The following PCDH15 variants were observed in gnomAD, a reference collection of about 807,000 sequenced individuals.
The protein encoded by PCDH15 is protocadherin-15.
PCDH15 carries 129 observed loss-of-function variants against 178.5 expected under a neutral mutation model. The ratio of observed to expected loss-of-function variants is 0.72; its 90% confidence interval spans 0.63 to 0.84. The LOEUF (loss-of-function observed/expected upper bound fraction) is 0.84. PCDH15 is among the 40% of genes least tolerant of loss of function. PCDH15 has a pLI of 0.00. For missense variants in PCDH15, 2,230 were observed against 2,099.9 expected (o/e 1.06, Z -1.21); for synonymous variants, 800 against 732.0 (o/e 1.09, Z -1.50).
At chr10:55,154,778 A>G (rs976346791) in intron 2 of PCDH15, among the ~76,000 whole-genome samples, 7 of 152,152 alleles carry the variant, frequency 4.6e-5, no homozygotes, top group Non-Finnish European at 1.0e-4. Flanking sequence ...AACTGCTAGG[A>G]TATCACTACT....
rs756826648 is a variant in PCDH15, at chr10:54,153,157, C to G, written c.1727G>C (p.Gly576Ala). Reference sequence around the variant, plus strand: ...TTGGACCGTGAGTGCGTAAGTCCGCCCGACTATCATTTCCACCCCTGGAGC... The same window carrying G: ...TTGGACCGTGAGTGCGTAAGTCCGCGCGACTATCATTTCCACCCCTGGAGC... ...TIAPGVEMIV[G>A]RTYALTVQAA... Residue 576 changes from glycine to alanine, a missense_variant, in exon 14 of 38, where the codon GGG becomes GCG. Coordinates refer to ENST00000644397, the MANE Select transcript of PCDH15 (RefSeq NM_001384140.1). 1 of 1,613,844 alleles carries G rather than the reference C, an allele frequency of 6.2e-7. No individual in the cohort carries two copies. The highest frequency in any genetic ancestry group is 8.5e-7 in the Non-Finnish European group (1 of 1,179,878).
intron 25 of PCDH15, among the ~76,000 whole-genome samples, chr10:53,926,415 T>A (rs977205114): frequency 6.6e-6 from 1 of 152,222 alleles, no homozygotes; most frequent in Admixed American, 6.5e-5. Flanking sequence ...TTAAGTAGGT[T>A]TGGAAAAGAG....
At chr10:54,694,820 C>G (rs2095192514) in intron 1 of PCDH15, among the ~76,000 whole-genome samples, 1 of 152,022 alleles carries the variant, frequency 6.6e-6, no homozygotes, top group South Asian at 2.1e-4. Flanking sequence ...ACAGTGGTCT[C>G]TAAGTGTTCA....
At chr10:54,110,996 TA>T (rs139086486) in intron 15 of PCDH15, among the ~76,000 whole-genome samples, 1,611 of 152,276 alleles carry the variant, frequency 0.011, 31 homozygotes, top group African/African-American at 0.035. Flanking sequence ...AGAAACACCA[TA>T]GGGACTTTGC....
chr10:54,399,672 G>C lies in PCDH15; in HGVS notation c.158-20730C>G, dbSNP rs1331353739. Among the ~76,000 whole-genome samples, 12 of 152,114 alleles carry C rather than the reference G, an allele frequency of 7.9e-5. No homozygotes were observed. The East Asian group carries it at 2.3e-3, about 29-fold the overall frequency. The stretch of plus-strand genomic sequence containing the variant: ...CAGCAAATGTGGGCCATGCAAGAGA[G>C]TAGACAAGAAGGAGATGATCTCAAG... On this transcript the variant is annotated intron_variant, in intron 3 of 37. Transcript: ENST00000644397.
At chr10:54,885,402 G>A (rs1000177792) in intron 3 of PCDH15, among the ~76,000 whole-genome samples, 1 of 151,940 alleles carries the variant, frequency 6.6e-6, no homozygotes, top group Admixed American at 6.6e-5. Context: ...AGTGATATTA[G>A]CATTAAAAGA....
chr10:53,817,937 A>G (rs1588906980), intron 34 of PCDH15, 58 bp downstream of exon 34: 2 of 398,618 alleles, frequency 5.0e-6, no homozygotes, highest in East Asian at 7.1e-5. Context: ...AGTCTTGCCT[A>G]TTACACAAGT....
At chr10:54,890,397 G>A (rs1177550532) in intron 3 of PCDH15, among the ~76,000 whole-genome samples, 3 of 151,798 alleles carry the variant, frequency 2.0e-5, no homozygotes, top group Non-Finnish European at 4.4e-5. Context: ...CAAAAACAAA[G>A]CAAAAAGATA....
intron 1 of PCDH15, among the ~76,000 whole-genome samples, chr10:54,788,695 C>A: frequency 6.6e-6 from 1 of 151,610 alleles, no homozygotes; most frequent in Admixed American, 6.6e-5. Context: ...TAAAAGTAGG[C>A]AGAGGAGAGA....
At chr10:54,007,122 T>C (rs1304294568) in intron 20 of PCDH15, among the ~76,000 whole-genome samples, 2 of 152,248 alleles carry the variant, frequency 1.3e-5, no homozygotes, top group Non-Finnish European at 2.9e-5. Context: ...CAGTTTTCAG[T>C]TTGCTGTAGA....
chr10:54,451,647 C>G (rs2076487249), intron 3 of PCDH15, among the ~76,000 whole-genome samples: 2 of 151,708 alleles, frequency 1.3e-5, no homozygotes, highest in African/African-American at 4.8e-5. Context: ...ATACATTTAC[C>G]AAAATCTAAT....
intron 2 of PCDH15, among the ~76,000 whole-genome samples, chr10:55,118,512 C>A (rs532450222): frequency 7.6e-4 from 115 of 152,232 alleles, no homozygotes; most frequent in African/African-American, 2.6e-3. Flanking sequence ...TTGAAAAAAT[C>A]CCAGTGCCCA....
intron 3 of PCDH15, among the ~76,000 whole-genome samples, chr10:54,490,541 G>A (rs1318866331): frequency 2.0e-5 from 3 of 151,676 alleles, no homozygotes; most frequent in Admixed American, 6.6e-5. Flanking sequence ...TTTTAAAAAA[G>A]TTATCATATG....
Position 54,751,008 on chromosome 10 carries a change from G to A in PCDH15, c.-29+49917C>T, listed in dbSNP as rs184597696. On this transcript the variant is annotated intron_variant, in intron 1 of 37. Transcript: ENST00000644397. ...TTATGGCTTTCTAATAAACAGATACGTGTTAAAAGCACATTTAAAAGAAAT... is the reference window on the plus strand; with the variant it reads ...TTATGGCTTTCTAATAAACAGATACATGTTAAAAGCACATTTAAAAGAAAT... Among the ~76,000 whole-genome samples the A allele has an allele frequency of 4.6e-4, 70 of 152,080 alleles. No individual in the cohort carries two copies. The East Asian group carries it at 0.011, about 24-fold the overall frequency.
chr10:54,997,620 G>GT (rs1313195495), intron 2 of PCDH15, among the ~76,000 whole-genome samples: 2 of 152,070 alleles, frequency 1.3e-5, no homozygotes, highest in African/African-American at 2.4e-5. Flanking sequence ...CTAATATAAT[G>GT]TTTTTGGTTT....
intron 6 of PCDH15, among the ~76,000 whole-genome samples, chr10:54,338,877 AG>A (rs1174135525): frequency 2.1e-5 from 3 of 141,650 alleles, no homozygotes; most frequent in South Asian, 4.4e-4. Flanking sequence ...ATAAAAAAAA[AG>A]ATCAAAAAGA....
At chr10:55,598,779 G>T (rs926408925) in intron 2 of PCDH15, among the ~76,000 whole-genome samples, 1 of 151,912 alleles carries the variant, frequency 6.6e-6, no homozygotes, top group Non-Finnish European at 1.5e-5. Flanking sequence ...TAGTGCTCTA[G>T]AAATCACTAT....
chr10:54,714,988 G>C (rs977010085), intron 1 of PCDH15, among the ~76,000 whole-genome samples: 1 of 151,964 alleles, frequency 6.6e-6, no homozygotes, highest in Non-Finnish European at 1.5e-5. Flanking sequence ...AAAACCAACT[G>C]TTTTCATGAT....
intron 2 of PCDH15, among the ~76,000 whole-genome samples, chr10:55,099,355 G>A (rs765158098): frequency 1.4e-4 from 21 of 152,006 alleles, no homozygotes; most frequent in Admixed American, 3.9e-4. Flanking sequence ...ATGCTGATTG[G>A]AGAAACTGGA....
Sources: gnomAD v4.1 joint callset for allele counts (sites outside exome capture counted in the v4.1 genomes callset) on GRCh38, gnomAD v4.1.1 for gene constraint, MANE v1.5 for transcripts, NCBI Gene and HGNC (gene_info 2026-07-23, HGNC 2026-07-21) for gene names.